The following TAOK1 variants were observed in gnomAD, a reference collection of about 807,000 sequenced individuals.
TAOK1 encodes the protein serine/threonine-protein kinase TAO1.
Under a neutral mutation model 138.3 loss-of-function variants are expected in TAOK1, and 21 were observed. The ratio of observed to expected loss-of-function variants is 0.15; its 90% CI spans 0.11 to 0.22. The LOEUF (loss-of-function observed/expected upper bound fraction) is 0.22, where lower values mean the gene tolerates loss of function less well. Ranked by LOEUF, TAOK1 falls within the 10% of genes least tolerant of loss-of-function variation. The pLI is 1.00. For synonymous variants in TAOK1, 361 were observed against 398.4 expected (o/e 0.91, Z 1.12); for missense variants, 651 against 1,227.7 (o/e 0.53, Z 7.02).
At position 29,509,288 on chromosome 17, in the gene TAOK1, G is replaced by T. The variant is rs375453454; in HGVS notation, c.1575+1156G>T. Among the ~76,000 whole-genome samples, 99 of 152,120 alleles carry T rather than the reference G, an allele frequency of 6.5e-4. 1 individual carries two copies. In the South Asian group the frequency reaches 0.019, roughly 30 times the overall value. On this transcript the variant is annotated intron_variant, in intron 14 of 19. Transcript: ENST00000261716. ...AAGTTCAAACAATTCTCCTGCCTCA[G>T]CCTCCCAAGTAGCTGAGACTACAGG...
intron 19 of TAOK1, among the ~76,000 whole-genome samples, chr17:29,538,507 T>C (rs1176124345): frequency 6.6e-6 from 1 of 152,212 alleles, no homozygotes; most frequent in Admixed American, 6.5e-5. Context: ...TAGCAATCAC[T>C]AAGACCCTGT....
In TAOK1 at chr17:29,523,693, A is replaced by G. The variant is rs541537077; in HGVS notation, c.2148+1174A>G. On this transcript the variant is annotated intron_variant, in intron 17 of 19. Transcript: ENST00000261716. ...GAACCACCGCACCTGGCCCACATGA[A>G]TCTTAATATACAAAACCACCCACTA... Among the ~76,000 whole-genome samples, 444 of 152,246 alleles carry G rather than the reference A, an allele frequency of 2.9e-3. 2 individuals carry two copies. The highest frequency in any genetic ancestry group is 0.01 in the African/African-American group (429 of 41,560).
chr17:29,531,055 G>T (rs905667193), intron 18 of TAOK1, among the ~76,000 whole-genome samples: 1 of 137,118 alleles, frequency 7.3e-6, no homozygotes, highest in Admixed American at 8.4e-5. Flanking sequence ...TCCGCCTCCC[G>T]GGTTCACGCC....
chr17:29,401,580 TC>T (rs1409146023), intron 1 of TAOK1, among the ~76,000 whole-genome samples: 5 of 151,930 alleles, frequency 3.3e-5, no homozygotes, highest in African/African-American at 9.7e-5. Context: ...ACCAGGTCCC[TC>T]CCCCAACTTT....
chr17:29,465,972 TA>T (rs1356675356), intron 2 of TAOK1, among the ~76,000 whole-genome samples: 1 of 151,362 alleles, frequency 6.6e-6, no homozygotes, highest in Admixed American at 6.6e-5. Context: ...GTTGAGGAAT[TA>T]CCTTGCTAAT....
chr17:29,540,495 G>C (rs1324633275), intron 19 of TAOK1, among the ~76,000 whole-genome samples: 1 of 152,140 alleles, frequency 6.6e-6, no homozygotes, highest in African/African-American at 2.4e-5. Flanking sequence ...CTCCTGAGTA[G>C]CTGGGATTAC....
chr17:29,462,895 T>G (rs1184853320), intron 2 of TAOK1, among the ~76,000 whole-genome samples: 1 of 152,214 alleles, frequency 6.6e-6, no homozygotes, highest in Non-Finnish European at 1.5e-5. Flanking sequence ...ACTTATTTTG[T>G]TTTTGCTCTT....
intron 1 of TAOK1, among the ~76,000 whole-genome samples, chr17:29,414,777 T>C (rs1204064501): frequency 6.6e-6 from 1 of 151,678 alleles, no homozygotes; most frequent in Non-Finnish European, 1.5e-5. Context: ...CAAGCTAGTT[T>C]TGAACTTCTG....
At chr17:29,485,239 A>C (rs1474938184) in intron 8 of TAOK1, among the ~76,000 whole-genome samples, 1 of 152,170 alleles carries the variant, frequency 6.6e-6, no homozygotes, top group African/African-American at 2.4e-5. Flanking sequence ...TGATTATATA[A>C]TCTTTATAAA....
intron 3 of TAOK1, among the ~76,000 whole-genome samples, chr17:29,472,937 A>G (rs2030860335): frequency 6.6e-6 from 1 of 152,222 alleles, no homozygotes; most frequent in South Asian, 2.1e-4. Flanking sequence ...GGGCTGCAGA[A>G]TGGATGGTGT....
chr17:29,508,762 A>G (rs1346307036), intron 14 of TAOK1, among the ~76,000 whole-genome samples: 4 of 152,190 alleles, frequency 2.6e-5, no homozygotes, highest in African/African-American at 4.8e-5. Flanking sequence ...AAAGATTCAG[A>G]TTCAGATTGA....
At chr17:29,512,912 G>C (rs1240994828) in intron 15 of TAOK1, 1 of 151,914 alleles carries the variant, frequency 6.6e-6, no homozygotes, top group East Asian at 1.9e-4. Flanking sequence ...TCAATCTCCT[G>C]ACCTCATGAT....
chr17:29,416,042 C>T (rs977412911), intron 1 of TAOK1, among the ~76,000 whole-genome samples: 2 of 152,240 alleles, frequency 1.3e-5, no homozygotes, highest in Admixed American at 1.3e-4. Flanking sequence ...GCAGGCGGAT[C>T]ACCTGAGGTC....
At chr17:29,409,331 A>ATT (rs1186189891) in intron 1 of TAOK1, among the ~76,000 whole-genome samples, 31 of 60,296 alleles carry the variant, frequency 5.1e-4, no homozygotes, top group Non-Finnish European at 7.9e-4. Context: ...ATATATATAT[A>ATT]TATTTTTTTT....
chr17:29,465,141 T>TC, intron 2 of TAOK1, among the ~76,000 whole-genome samples: 1 of 127,746 alleles, frequency 7.8e-6, no homozygotes, highest in African/African-American at 3.0e-5. Context: ...TTTTTTTTTT[T>TC]TTTTTTTTTT....
rs1413700190 is a variant in TAOK1 at position 29,549,630 on chromosome 17, A to G, written c.*6608A>G. ...GTGACTTTAAAGGATGTAACTGCCC[A>G]ACATTTGCAGATTCTGGGTGGTCTA... On this transcript the variant is annotated 3_prime_UTR_variant, in exon 20 of 20. Coordinates refer to ENST00000261716, the MANE Select transcript of TAOK1 (RefSeq NM_020791.4). The G allele has an allele frequency of 6.6e-6, 1 of 152,126 alleles. No homozygotes were observed. Among genetic ancestry groups the G allele is most frequent in the Admixed American group, 6.6e-5 (1 of 15,254 alleles). The allele number at this position is 152,126 out of a possible 1,614,324, so 9.4% of individuals were successfully genotyped here. A position where few individuals can be genotyped will look rare whatever the true frequency, so the allele number is the denominator to read the frequency against.
chr17:29,522,233 A>G (rs779435018), intron 16 of TAOK1, 47 bp from the exon 17 acceptor site: 7 of 1,589,954 alleles, frequency 4.4e-6, no homozygotes, highest in Non-Finnish European at 6.0e-6. Context: ...TTTTTCTGGC[A>G]TTATACAGCA....
At chr17:29,502,196 G>A (rs914539763) in intron 12 of TAOK1, among the ~76,000 whole-genome samples, 4 of 152,220 alleles carry the variant, frequency 2.6e-5, no homozygotes, top group Non-Finnish European at 5.9e-5. Flanking sequence ...CACTTTGGAA[G>A]GCCAAGGAGG....
intron 13 of TAOK1, 82 bp downstream of exon 13, chr17:29,502,805 G>GT (rs2031554246): frequency 6.9e-7 from 1 of 1,443,204 alleles, no homozygotes; most frequent in Admixed American, 2.3e-5. Context: ...GCTATATATT[G>GT]TTTTGTATTT....
Sources: gnomAD v4.1 joint callset for allele counts (sites outside exome capture counted in the v4.1 genomes callset) on GRCh38, gnomAD v4.1.1 for gene constraint, MANE v1.5 for transcripts, NCBI Gene and HGNC (gene_info 2026-07-23, HGNC 2026-07-21) for gene names.